The following PTPRD variants were observed in gnomAD, a reference collection of about 807,000 sequenced individuals.
PTPRD encodes receptor-type tyrosine-protein phosphatase delta.
PTPRD carries 34 observed loss-of-function variants against 214.5 expected under a neutral mutation model. That is an observed-to-expected ratio of 0.16 (90% CI 0.12 to 0.21). PTPRD has a LOEUF of 0.21. Among genes scored for constraint, PTPRD ranks in the 10% least tolerant of loss-of-function variants. The pLI, the probability that PTPRD is intolerant of heterozygous loss-of-function variation, is 1.00. For missense variants in PTPRD, 2,545 were observed against 2,398.7 expected (o/e 1.06, Z -1.27); for synonymous variants, 1,128 against 845.7 (o/e 1.33, Z -5.79).
At chr9:8,713,334 A>C (rs922084550) in intron 12 of PTPRD, 11 of 887,316 alleles carry the variant, frequency 1.2e-5, no homozygotes, top group Non-Finnish European at 1.8e-5. Context: ...GCACACTAAG[A>C]GAGTACAAAG....
intron 12 of PTPRD, among the ~76,000 whole-genome samples, chr9:8,711,016 G>C (rs570448028): frequency 3.9e-5 from 6 of 152,136 alleles, no homozygotes; most frequent in East Asian, 3.9e-4. Context: ...ATTAATGCTA[G>C]ATGTGAAAGT....
intron 11 of PTPRD, among the ~76,000 whole-genome samples, chr9:8,982,091 G>T (rs145609699): frequency 3.9e-5 from 6 of 151,992 alleles, no homozygotes; most frequent in African/African-American, 1.4e-4. Context: ...AGTGAAAATA[G>T]AGGTATTTCA....
chr9:8,500,888 A>G lies in PTPRD; in HGVS notation c.1994T>C (p.Ile665Thr), dbSNP rs763856438. 1 of 1,614,180 alleles carries G rather than the reference A, an allele frequency of 6.2e-7. No individual in the cohort carries two copies. The highest frequency in any genetic ancestry group is 1.1e-5 in the South Asian group (1 of 91,078). The change falls in exon 24 of 46, where the codon ATT (isoleucine) becomes ACT (threonine). Residue 665 changes from isoleucine to threonine, a missense_variant. Physicochemically the swap from Ile to Thr is moderately conservative, Grantham distance 89. Coordinates refer to ENST00000381196, the MANE Select transcript of PTPRD (RefSeq NM_002839.4). ...EDDKPHEILG[I>T]PSDTTKYLLE... ...AAGGTATTTGGTAGTGTCCGAAGGAATTCCCAAAATCTCGTGAGGCTTGTC... is the reference window on the plus strand; with the variant it reads ...AAGGTATTTGGTAGTGTCCGAAGGAGTTCCCAAAATCTCGTGAGGCTTGTC...
chr9:10,059,510 G>A (rs867698367), intron 3 of PTPRD, among the ~76,000 whole-genome samples: 2 of 151,942 alleles, frequency 1.3e-5, no homozygotes, highest in Non-Finnish European at 2.9e-5. Context: ...AGCATACTTT[G>A]GTATATATTA....
At chr9:8,892,591 A>G (rs1018394296) in intron 11 of PTPRD, among the ~76,000 whole-genome samples, 1 of 140,188 alleles carries the variant, frequency 7.1e-6, no homozygotes, top group African/African-American at 2.5e-5. Flanking sequence ...GTGTATATAT[A>G]TGTGTATATA....
In PTPRD at chr9:10,360,302, T is replaced by G. The variant is rs12347350; in HGVS notation, c.-599-19285A>C. ...ATGTTATTGGACTTTAATAAAAATT[T>G]AGAAAGGGTATTTTAAGTACATCAC... On this transcript the variant is annotated intron_variant, in intron 2 of 45. Coordinates refer to ENST00000381196, the MANE Select transcript of PTPRD (RefSeq NM_002839.4). Among the ~76,000 whole-genome samples, 826 of 152,366 alleles carry G rather than the reference T, an allele frequency of 5.4e-3. 2 individuals are homozygous for G. Among genetic ancestry groups the G allele is most frequent in the Non-Finnish European group, 8.6e-3 (588 of 68,030 alleles).
chr9:9,821,005 G>C (rs2050516793), intron 5 of PTPRD, among the ~76,000 whole-genome samples: 1 of 151,962 alleles, frequency 6.6e-6, no homozygotes, highest in Non-Finnish European at 1.5e-5. Flanking sequence ...CTTTTTTCTA[G>C]TTCCATGAAA....
intron 6 of PTPRD, among the ~76,000 whole-genome samples, chr9:9,760,726 A>T (rs1022497203): frequency 6.6e-6 from 1 of 152,116 alleles, no homozygotes; most frequent in African/African-American, 2.4e-5. Context: ...TCTGATGAGG[A>T]AATAGGCAAA....
chr9:10,608,152 G>A (rs1176222184), intron 2 of PTPRD, among the ~76,000 whole-genome samples: 1 of 151,894 alleles, frequency 6.6e-6, no homozygotes, highest in African/African-American at 2.4e-5. Context: ...TTTAAATTGT[G>A]CATATTTATC....
rs1020671801 is a variant in PTPRD at position 10,369,070 on chromosome 9, T to G, written c.-599-28053A>C. Among the ~76,000 whole-genome samples, 4 of 152,168 alleles carry G rather than the reference T, an allele frequency of 2.6e-5. No individual in the cohort carries two copies. The East Asian group carries it at 7.7e-4, about 29-fold the overall frequency. On this transcript the variant is annotated intron_variant, in intron 2 of 45. Coordinates refer to ENST00000381196, the MANE Select transcript of PTPRD (RefSeq NM_002839.4). ...AGTGCCAAGTGTCTCAACTTAGGCATGCACCATGGTTAAAAAAATTGTGCT... is the reference window on the plus strand; with the variant it reads ...AGTGCCAAGTGTCTCAACTTAGGCAGGCACCATGGTTAAAAAAATTGTGCT...
At chr9:8,357,242 G>A (rs906615064) in intron 39 of PTPRD, among the ~76,000 whole-genome samples, 1 of 152,182 alleles carries the variant, frequency 6.6e-6, no homozygotes, top group African/African-American at 2.4e-5. Context: ...TGCTGTGGAT[G>A]AGCTGCTTTT....
At chr9:8,547,757 T>A (rs543636726) in intron 14 of PTPRD, among the ~76,000 whole-genome samples, 2 of 152,002 alleles carry the variant, frequency 1.3e-5, no homozygotes, top group Admixed American at 6.6e-5. Context: ...CACAAAGATA[T>A]ATACCCACAC....
At chr9:9,401,064 T>C (rs2070231246) in intron 8 of PTPRD, among the ~76,000 whole-genome samples, 1 of 152,048 alleles carries the variant, frequency 6.6e-6, no homozygotes, top group African/African-American at 2.4e-5. Flanking sequence ...TTACCTTCTC[T>C]GTATATCTGT....
chr9:10,364,160 C>T (rs1051391259), intron 2 of PTPRD, among the ~76,000 whole-genome samples: 2 of 151,528 alleles, frequency 1.3e-5, no homozygotes, highest in Non-Finnish European at 2.9e-5. Flanking sequence ...CCACCATGCC[C>T]GGATAATTTT....
intron 39 of PTPRD, among the ~76,000 whole-genome samples, chr9:8,370,229 CACACACACATAT>C (rs2081124770): frequency 6.3e-4 from 22 of 34,894 alleles, no homozygotes; most frequent in Admixed American, 5.8e-3. Flanking sequence ...CACACACACA[CACACACACATAT>C]ATATATATGT....
intron 12 of PTPRD, among the ~76,000 whole-genome samples, chr9:8,682,979 T>A (rs1431569535): frequency 1.3e-5 from 2 of 152,176 alleles, no homozygotes; most frequent in Non-Finnish European, 2.9e-5. Context: ...AAAAAGTGTC[T>A]AAAGGCTTTT....
At chr9:10,289,834 GAATAAAATGTA>G (rs2095477940) in intron 3 of PTPRD, among the ~76,000 whole-genome samples, 1 of 152,136 alleles carries the variant, frequency 6.6e-6, no homozygotes. Flanking sequence ...ATAAAGAATA[GAATAAAATGTA>G]TGGAAAGAGA....
At chr9:8,934,723 C>T (rs949671145) in intron 11 of PTPRD, among the ~76,000 whole-genome samples, 4 of 150,328 alleles carry the variant, frequency 2.7e-5, no homozygotes, top group Non-Finnish European at 5.9e-5. Flanking sequence ...ATGTATTCAT[C>T]CTGCATAACG....
At chr9:10,152,530 G>C (rs1397677865) in intron 3 of PTPRD, among the ~76,000 whole-genome samples, 1 of 152,008 alleles carries the variant, frequency 6.6e-6, no homozygotes, top group Non-Finnish European at 1.5e-5. Flanking sequence ...GAGCCTTAAA[G>C]AAGAAGGAAA....
Sources: allele counts gnomAD v4.1 joint callset (sites outside exome capture counted in the v4.1 genomes callset), GRCh38; gene constraint gnomAD v4.1.1; transcripts MANE v1.5; gene names NCBI Gene and HGNC (gene_info 2026-07-23, HGNC 2026-07-21).